RALGAPA1: variants seen among roughly 807,000 people sequenced by gnomAD.
The protein encoded by RALGAPA1 is Ral GTPase activating protein catalytic subunit alpha 1, also known as ral GTPase-activating protein subunit alpha-1.
A neutral mutation model predicts 269.6 loss-of-function variants in RALGAPA1; 52 were observed. The observed-to-expected ratio is 0.19, with a 90% CI of 0.15 to 0.24. The LOEUF is 0.24. Among genes scored for constraint, RALGAPA1 ranks in the 10% least tolerant of loss-of-function variants. The pLI is 1.00. For missense variants in RALGAPA1, 1,917 were observed against 3,013.9 expected, an observed-to-expected ratio of 0.64 and a Z score of 8.52; for synonymous variants, 817 against 1,008.3, an observed-to-expected ratio of 0.81 and a Z score of 3.60.
chr14:35,564,101 C>G (rs1221468541), intron 39 of RALGAPA1, among the ~76,000 whole-genome samples: 4 of 152,090 alleles, frequency 2.6e-5, no homozygotes, highest in Non-Finnish European at 5.9e-5. Context: ...TCATTAACTC[C>G]CATGTAGCTA....
At chr14:35,780,394 T>C (rs2075349930) in intron 1 of RALGAPA1, among the ~76,000 whole-genome samples, 2 of 152,168 alleles carry the variant, frequency 1.3e-5, no homozygotes, top group African/African-American at 4.8e-5. Flanking sequence ...ATCTATCGAA[T>C]GCCCATCTAA....
At chr14:35,775,163 A>T (rs1440031933) in intron 2 of RALGAPA1, 108 bp from the exon 3 acceptor site, 1 of 674,440 alleles carries the variant, frequency 1.5e-6, no homozygotes, top group African/African-American at 1.9e-5. Flanking sequence ...ATTATTTAGT[A>T]AAATGTTTAA....
At chr14:35,686,519 C>T in intron 19 of RALGAPA1, 23 bp downstream of exon 19, 1 of 1,580,006 alleles carries the variant, frequency 6.3e-7, no homozygotes, top group South Asian at 1.2e-5. Flanking sequence ...TCTATAAAAC[C>T]AAATATATAA....
At chr14:35,579,072 C>T (rs1368778651) in intron 37 of RALGAPA1, among the ~76,000 whole-genome samples, 2 of 152,154 alleles carry the variant, frequency 1.3e-5, no homozygotes, top group Non-Finnish European at 2.9e-5. Context: ...CTAAAAAGGT[C>T]TTTCTGAGAA....
At chr14:35,808,174 A>G (rs2077505671) in intron 1 of RALGAPA1, among the ~76,000 whole-genome samples, 1 of 152,192 alleles carries the variant, frequency 6.6e-6, no homozygotes, top group Non-Finnish European at 1.5e-5. Context: ...AGGATGAGTT[A>G]AACTACCTAT....
chr14:35,639,917 C>T lies in RALGAPA1; in HGVS notation c.5677-4319G>A, dbSNP rs973644950. ...TTGCACCACTGCAGTTCAGCCTGGG[C>T]GAGAGGCTGAGACTCTGTCTCAAAA... On this transcript the variant is annotated intron_variant, in intron 31 of 41. Transcript: ENST00000680220. Among the ~76,000 whole-genome samples the T allele has an allele frequency of 3.5e-5, 5 of 144,714 alleles. No homozygotes were observed. In the South Asian group the frequency reaches 6.6e-4, roughly 19 times the overall value. 94.9% of individuals were successfully genotyped at this position (144,714 alleles called of 152,430 possible).
At chr14:35,761,988 C>G (rs2073741731) in intron 5 of RALGAPA1, among the ~76,000 whole-genome samples, 1 of 152,190 alleles carries the variant, frequency 6.6e-6, no homozygotes, top group Non-Finnish European at 1.5e-5. Flanking sequence ...GCTTCTCTTA[C>G]TACAGTACAA....
intron 1 of RALGAPA1, among the ~76,000 whole-genome samples, chr14:35,801,605 T>A (rs1438714014): frequency 6.6e-6 from 1 of 152,106 alleles, no homozygotes; most frequent in African/African-American, 2.4e-5. Context: ...TAAGAGAGTA[T>A]AATCAACAAT....
chr14:35,711,518 G>A (rs576749257), intron 16 of RALGAPA1, among the ~76,000 whole-genome samples: 1 of 152,208 alleles, frequency 6.6e-6, no homozygotes, highest in South Asian at 2.1e-4. Flanking sequence ...CATAATCTCC[G>A]CTCACTGCAG....
At position 35,748,712 on chromosome 14, in the gene RALGAPA1, T is replaced by G; in HGVS notation, c.1124A>C (p.Glu375Ala). The stretch of plus-strand genomic sequence containing the variant: ...GAGACTAGATGAGCTAGGTTCTCGC[T>G]CCGTGAGAGTGCTTGTATTGGAATG... Reference protein sequence around the residue: ...QSHSNTSTLTEREPSSSSLCS... With the variant: ...QSHSNTSTLTAREPSSSSLCS... The change falls in exon 10 of 42, where the codon GAG (glutamate) becomes GCG (alanine). Residue 375 changes from glutamate (E) to alanine (A), a missense_variant. Physicochemically the swap from Glu to Ala is moderately radical, Grantham distance 107 (BLOSUM62 -1). This residue lies in a region of RALGAPA1 where 462 missense variants were observed against 725.6 expected (regional missense o/e 0.64). Coordinates refer to ENST00000680220, the MANE Select transcript of RALGAPA1 (RefSeq NM_001346249.2). 6.2e-7 allele frequency: 1 copy of G among 1,613,562 alleles called. No homozygotes were observed. Among genetic ancestry groups the G allele is most frequent in the East Asian group, 2.2e-5 (1 of 44,832 alleles).
chr14:35,746,962 C>G (rs1262572152), intron 10 of RALGAPA1, among the ~76,000 whole-genome samples: 3 of 151,374 alleles, frequency 2.0e-5, no homozygotes, highest in Non-Finnish European at 4.4e-5. Flanking sequence ...ATAAAACTGA[C>G]AAATCTCTGG....
chr14:35,605,060 T>C (rs1408886483), intron 36 of RALGAPA1, among the ~76,000 whole-genome samples: 2 of 152,104 alleles, frequency 1.3e-5, no homozygotes, highest in African/African-American at 2.4e-5. Flanking sequence ...CTCCTAAAAG[T>C]ATACCCACTA....
intron 27 of RALGAPA1, among the ~76,000 whole-genome samples, chr14:35,662,730 A>G (rs2063623495): frequency 6.6e-6 from 1 of 152,164 alleles, no homozygotes; most frequent in African/African-American, 2.4e-5. Context: ...TTGGCCTTCA[A>G]AATCTCCTGA....
intron 26 of RALGAPA1, 79 bp from the exon 27 acceptor site, chr14:35,664,846 T>C: frequency 7.5e-7 from 1 of 1,324,656 alleles, no homozygotes. Context: ...GTTATCCAAC[T>C]ACATTAGACA....
intron 12 of RALGAPA1, among the ~76,000 whole-genome samples, chr14:35,735,606 G>A (rs1424454692): frequency 6.6e-6 from 1 of 152,218 alleles, no homozygotes; most frequent in East Asian, 1.9e-4. Flanking sequence ...ATAGGGTGCA[G>A]TGTATACTGC....
intron 34 of RALGAPA1, among the ~76,000 whole-genome samples, chr14:35,625,722 T>G (rs757078905): frequency 5.3e-5 from 8 of 152,210 alleles, no homozygotes; most frequent in Non-Finnish European, 8.8e-5. Context: ...ATAAAAGTAC[T>G]TTGTATTTCT....
intron 39 of RALGAPA1, among the ~76,000 whole-genome samples, chr14:35,560,487 C>G (rs1393675287): frequency 6.6e-6 from 1 of 152,144 alleles, no homozygotes; most frequent in Non-Finnish European, 1.5e-5. Flanking sequence ...AGCCATTCCT[C>G]TAATTTCCAT....
rs527913796 is a variant in RALGAPA1, at chr14:35,690,121, A to G, written c.2408-118T>C. The stretch of plus-strand genomic sequence containing the variant: ...AAAAAATCTGAGTTTTTGTAAGCTC[A>G]ATGAAAAAAAAATCAAAATACAAAT... On this transcript the variant is annotated intron_variant, in intron 17 of 41. Transcript: ENST00000680220. 5.6e-6 allele frequency: 4 copies of G among 713,008 alleles called. No homozygotes were observed. In the African/African-American group the frequency reaches 5.7e-5, roughly 10 times the overall value. The allele number at this position is 713,008 out of a possible 1,614,324, so 44.2% of individuals were successfully genotyped here. A position where few individuals can be genotyped will look rare whatever the true frequency, so the allele number is the denominator to read the frequency against.
chr14:35,687,857 C>A (rs1163570240), intron 18 of RALGAPA1, among the ~76,000 whole-genome samples: 2 of 152,160 alleles, frequency 1.3e-5, no homozygotes, highest in African/African-American at 4.8e-5. Context: ...AAGCCTACAG[C>A]ATGTTTGGAA....
Sources: allele counts gnomAD v4.1 joint callset (sites outside exome capture counted in the v4.1 genomes callset), GRCh38; gene constraint gnomAD v4.1.1; regional missense constraint gnomAD v4.1.1; transcripts MANE v1.5; gene names NCBI Gene and HGNC (gene_info 2026-07-23, HGNC 2026-07-21).